The following TMEM178A variants were observed in gnomAD, a reference collection of about 807,000 sequenced individuals.
TMEM178A encodes transmembrane protein 178.
TMEM178A carries 12 observed loss-of-function variants against 29.1 expected under a neutral mutation model. That is an observed-to-expected ratio of 0.41 (90% confidence interval 0.26 to 0.67). The LOEUF (loss-of-function observed/expected upper bound fraction) is 0.67, where lower values mean the gene tolerates loss of function less well. Among genes scored for constraint, TMEM178A ranks in the 30% least tolerant of loss-of-function variants. TMEM178A has a pLI of 0.29. For synonymous variants in TMEM178A, 210 were observed against 187.2 expected, an observed-to-expected ratio of 1.12 and a Z score of -0.99; for missense variants, 366 against 419.1, an observed-to-expected ratio of 0.87 and a Z score of 1.11.
At chr2:39,696,941 C>T (rs377506728) in intron 1 of TMEM178A, among the ~76,000 whole-genome samples, 1 of 152,128 alleles carries the variant, frequency 6.6e-6, no homozygotes, top group African/African-American at 2.4e-5. Context: ...TTTCTTCCCC[C>T]CATTGTGTGA....
In TMEM178A at chr2:39,666,041, G is replaced by A; in HGVS notation, c.67G>A (p.Val23Ile). ...CAGCCTGTGCTCCCTGGGGCTGCTC[G>A]TCACGGCCATCTTCACCGACCACTG... ...GLSLCSLGLL[V>I]TAIFTDHWYE... Residue 23 changes from valine (V) to isoleucine (I), a missense_variant, in exon 1 of 4, where the codon GTC becomes ATC. By Grantham distance (29) the Val-to-Ile change is conservative. Coordinates refer to ENST00000281961, the MANE Select transcript of TMEM178A (RefSeq NM_152390.3). 6.4e-7 allele frequency: 1 copy of A among 1,559,546 alleles called. No individual in the cohort carries two copies. The highest frequency in any genetic ancestry group is 8.6e-7 in the Non-Finnish European group (1 of 1,156,562).
chr2:39,704,968 T>C (rs1006471415), intron 2 of TMEM178A, among the ~76,000 whole-genome samples: 3 of 152,248 alleles, frequency 2.0e-5, no homozygotes, highest in African/African-American at 7.2e-5. Flanking sequence ...TCTCTGCGGA[T>C]TAAAAGGCTC....
intron 3 of TMEM178A, among the ~76,000 whole-genome samples, chr2:39,713,404 C>G (rs1231422534): frequency 6.6e-6 from 1 of 152,198 alleles, no homozygotes; most frequent in East Asian, 1.9e-4. Context: ...TGAGTTGTGT[C>G]CCCTCAAATA....
At chr2:39,665,671 G>GT, upstream of TMEM178A, 1 of 302,294 alleles carries the variant, frequency 3.3e-6, no homozygotes, top group East Asian at 5.1e-5. Flanking sequence ...AGTGCGCGGG[G>GT]TGGGGGGCGC....
In TMEM178A at chr2:39,666,027, C is replaced by G. The variant is rs749351066; in HGVS notation, c.53C>G (p.Ser18Cys). ...CTCAGCCTCGGCCTCAGCCTGTGCT[C>G]CCTGGGGCTGCTCGTCACGGCCATC... ...TALSLGLSLC[S>C]LGLLVTAIFT... is the part of the protein sequence containing the mutation. Residue 18 changes from serine (S) to cysteine (C), a missense_variant, in exon 1 of 4, where the codon TCC becomes TGC. Transcript: ENST00000281961. 14 of 1,551,698 alleles carry G rather than the reference C, an allele frequency of 9.0e-6. No individual in the cohort carries two copies. The highest frequency in any genetic ancestry group is 1.1e-5 in the Non-Finnish European group (13 of 1,152,810).
At chr2:39,682,718 A>G (rs937312664) in intron 1 of TMEM178A, among the ~76,000 whole-genome samples, 3 of 152,234 alleles carry the variant, frequency 2.0e-5, no homozygotes, top group African/African-American at 7.2e-5. Flanking sequence ...TATGGCATTT[A>G]CTATTTAGAG....
At chr2:39,681,079 C>T (rs1334477873) in intron 1 of TMEM178A, among the ~76,000 whole-genome samples, 1 of 152,150 alleles carries the variant, frequency 6.6e-6, no homozygotes, top group Non-Finnish European at 1.5e-5. Flanking sequence ...CAAAGCCCTA[C>T]TCAAGAAATT....
At chr2:39,719,047 T>A (rs1442489764), downstream of TMEM178A, among the ~76,000 whole-genome samples, 1 of 152,076 alleles carries the variant, frequency 6.6e-6, no homozygotes, top group Non-Finnish European at 1.5e-5. Context: ...CCGAAAGGGG[T>A]TGGAGGATGC....
chr2:39,727,157 G>C, the TMEM178A span, among the ~76,000 whole-genome samples: 2 of 152,192 alleles, frequency 1.3e-5, no homozygotes, highest in East Asian at 3.9e-4. Flanking sequence ...CTCTATCTCA[G>C]AAGCCCGGAC....
At chr2:39,671,444 C>G (rs533611757) in intron 1 of TMEM178A, among the ~76,000 whole-genome samples, 1 of 152,252 alleles carries the variant, frequency 6.6e-6, no homozygotes, top group East Asian at 1.9e-4. Context: ...TCCTTCTTGA[C>G]CCAGTGGTTC....
chr2:39,697,916 C>T (rs1558456623), intron 1 of TMEM178A: 1 of 152,224 alleles, frequency 6.6e-6, no homozygotes, highest in Admixed American at 6.5e-5. Flanking sequence ...AAGGCCAGCT[C>T]TTGTGAGTCT....
intron 1 of TMEM178A, among the ~76,000 whole-genome samples, chr2:39,669,979 T>A (rs2716691): frequency 2.6e-5 from 4 of 152,164 alleles, no homozygotes; most frequent in East Asian, 1.9e-4. Context: ...GTCAGTTGAC[T>A]CTAAATTAGT....
intron 1 of TMEM178A, among the ~76,000 whole-genome samples, chr2:39,686,397 A>G (rs1477760389): frequency 6.6e-6 from 1 of 152,164 alleles, no homozygotes; most frequent in African/African-American, 2.4e-5. Flanking sequence ...AAATGTCTTC[A>G]GAATTCTCTT....
At chr2:39,702,547 T>G (rs912221776) in intron 1 of TMEM178A, among the ~76,000 whole-genome samples, 1 of 152,124 alleles carries the variant, frequency 6.6e-6, no homozygotes, top group African/African-American at 2.4e-5. Context: ...TCTCATACTA[T>G]ATTGTTTTCC....
At chr2:39,697,448 C>G (rs1671592518) in intron 1 of TMEM178A, among the ~76,000 whole-genome samples, 1 of 152,172 alleles carries the variant, frequency 6.6e-6, no homozygotes, top group South Asian at 2.1e-4. Flanking sequence ...ACTTTCTCTT[C>G]TAATTCTGCC....
the TMEM178A span, among the ~76,000 whole-genome samples, chr2:39,731,136 A>C: frequency 6.6e-6 from 1 of 152,246 alleles, no homozygotes; most frequent in East Asian, 1.9e-4. Context: ...ATAGTGAATA[A>C]GGCAATTTGT....
rs561534498 is a variant in TMEM178A at position 39,666,107 on chromosome 2, C to G, written c.133C>G (p.Arg45Gly). ...CCGGCGCCACAAGGAGAGCTGCGAG[C>G]GCAGCCGCGCGGGCGCCGACCCCCC... ...DPRRHKESCE[R>G]SRAGADPPDQ... The change falls in exon 1 of 4, where the codon CGC (arginine) becomes GGC (glycine). Residue 45 changes from arginine to glycine, a missense_variant. Coordinates refer to ENST00000281961, the MANE Select transcript of TMEM178A (RefSeq NM_152390.3). 4.4e-5 allele frequency: 68 copies of G among 1,559,476 alleles called. No individual in the cohort carries two copies. In the African/African-American group the frequency reaches 7.9e-4, roughly 18 times the overall value.
At chr2:39,689,303 G>A (rs192444029) in intron 1 of TMEM178A, among the ~76,000 whole-genome samples, 1 of 152,268 alleles carries the variant, frequency 6.6e-6, no homozygotes, top group Non-Finnish European at 1.5e-5. Context: ...AATGTTTATG[G>A]ATCATCATGT....
intron 1 of TMEM178A, among the ~76,000 whole-genome samples, chr2:39,673,951 C>T (rs1363561092): frequency 1.3e-5 from 2 of 151,984 alleles, no homozygotes; most frequent in African/African-American, 4.8e-5. Flanking sequence ...CCTAACTATA[C>T]CCAGAGCAGT....
Sources: allele counts gnomAD v4.1 joint callset (sites outside exome capture counted in the v4.1 genomes callset), GRCh38; gene constraint gnomAD v4.1.1; transcripts MANE v1.5; gene names NCBI Gene and HGNC (gene_info 2026-07-23, HGNC 2026-07-21).